The following GNL2 variants were observed in gnomAD, a reference collection of about 807,000 sequenced individuals.
GNL2 encodes nucleolar GTP-binding protein 2.
Under a neutral mutation model 92.3 loss-of-function variants are expected in GNL2, and 51 were observed. That is an observed-to-expected ratio of 0.55 (90% confidence interval 0.44 to 0.70). The LOEUF is 0.70. GNL2 is among the 30% of genes least tolerant of loss of function. The pLI is 0.00. For synonymous variants in GNL2, 283 were observed against 300.6 expected (o/e 0.94, Z 0.61); for missense variants, 844 against 895.6 (o/e 0.94, Z 0.74).
intron 3 of GNL2, among the ~76,000 whole-genome samples, 164 bp downstream of exon 3, chr1:37,592,548 A>G (rs1434402540): frequency 6.6e-6 from 1 of 152,192 alleles, no homozygotes; most frequent in East Asian, 1.9e-4. Flanking sequence ...TATTTATTAA[A>G]TTGACCACCA....
chr1:37,583,729 G>T lies in GNL2; in HGVS notation c.636+138C>A, dbSNP rs1282067802. ...GGTAGTACGCCTTCCGAGTTTCTTT[G>T]TAGGAGGAAGAGGATGGAACAGGCA... On this transcript the variant is annotated intron_variant, in intron 6 of 15. Coordinates refer to ENST00000373062, the MANE Select transcript of GNL2 (RefSeq NM_013285.3). 5.8e-5 allele frequency: 34 copies of T among 581,454 alleles called. No homozygotes were observed. In the East Asian group the frequency reaches 8.7e-4, roughly 15 times the overall value. 36.0% of individuals were successfully genotyped at this position (581,454 alleles called of 1,614,324 possible). A position where few individuals can be genotyped will look rare whatever the true frequency, so the allele number is the denominator to read the frequency against.
In GNL2 at chr1:37,582,858, T is replaced by C. The variant is rs199794422; in HGVS notation, c.715A>G (p.Thr239Ala). Reference sequence around the variant, plus strand: ...CAAGGTTTTTCCTTCTTCAGGTAAGTTTCAATGTGAGGGGAACGAGTACCC... The same window carrying C: ...CAAGGTTTTTCCTTCTTCAGGTAAGCTTCAATGTGAGGGGAACGAGTACCC... ...PMGTRSPHIE[T>A]YLKKEKPWKH... Residue 239 changes from threonine (T) to alanine (A), a missense_variant, in exon 7 of 16, where the codon ACT (threonine) becomes GCT (alanine). Physicochemically the swap from Thr to Ala is moderately conservative, Grantham distance 58 (BLOSUM62 0). Transcript: ENST00000373062. 7 of 1,612,870 alleles carry C rather than the reference T, an allele frequency of 4.3e-6. No individual in the cohort carries two copies. The African/African-American group carries it at 8.0e-5, about 18-fold the overall frequency.
Position 37,575,554 on chromosome 1 carries a change from C to A in GNL2, c.1143+41G>T. On this transcript the variant is annotated intron_variant, in intron 10 of 15. Transcript: ENST00000373062. This position sits in a 1 kb window ranked among gnomAD's most constrained non-coding sequence, Gnocchi z 4.1. ...TATCCAGGGTTCCCTATAGAACACT[C>A]CCCCGCAAACACAAACAGCCTATCA... 8.2e-7 allele frequency: 1 copy of A among 1,220,352 alleles called. No homozygotes were observed. The highest frequency in any genetic ancestry group is 1.2e-6 in the Non-Finnish European group (1 of 863,350). The allele number at this position is 1,220,352 out of a possible 1,614,324, so 75.6% of individuals were successfully genotyped here.
In GNL2 at chr1:37,569,109, T is replaced by C. The variant is rs1376066725; in HGVS notation, c.1610A>G (p.Asn537Ser). 3 of 1,614,206 alleles carry C rather than the reference T, an allele frequency of 1.9e-6. No homozygotes were observed. The highest frequency in any genetic ancestry group is 2.2e-5 in the South Asian group (2 of 91,084). The change falls in exon 13 of 16, where the codon AAC (asparagine) becomes AGC (serine). Residue 537 changes from asparagine to serine, a missense_variant. By Grantham distance (46) the Asn-to-Ser change is conservative. Transcript: ENST00000373062. ...TRVRQNFGKI[N>S]VVPQFSGDDL... is the part of the protein sequence containing the mutation. ...ATCCCCAGAAAACTGAGGCACCACG[T>C]TGATTTTACCAAAGTTCTGCCGAAC...
chr1:37,566,994 A>C lies in GNL2; in HGVS notation c.2057T>G (p.Val686Gly). The change falls in exon 16 of 16, where the codon GTA (valine) becomes GGA (glycine). Residue 686 changes from valine (V) to glycine (G), a missense_variant. By Grantham distance (109) the Val-to-Gly change is moderately radical. Coordinates refer to ENST00000373062, the MANE Select transcript of GNL2 (RefSeq NM_013285.3). ...ALTSKERRRA[V>G]RQQRPKKVGV... ...AACTTTTTTCGGCCGTTGCTGTCGT[A>C]CTGCTCGCCTCCGCTGTAAAAAATG... The C allele has an allele frequency of 6.2e-7, 1 of 1,612,792 alleles. No individual in the cohort carries two copies. The highest frequency in any genetic ancestry group is 8.5e-7 in the Non-Finnish European group (1 of 1,179,686).
intron 4 of GNL2, among the ~76,000 whole-genome samples, chr1:37,589,888 C>T (rs548592722): frequency 2.6e-5 from 4 of 152,268 alleles, no homozygotes; most frequent in East Asian, 1.9e-4. Context: ...GCTGAACGTA[C>T]GCAACACCAA....
At chr1:37,588,310 A>G (rs71640740) in intron 4 of GNL2, among the ~76,000 whole-genome samples, 3,280 of 151,778 alleles carry the variant, frequency 0.022, 135 homozygotes, top group South Asian at 0.21. Flanking sequence ...TCCCCCTAGT[A>G]CAAGCTCCTC....
intron 12 of GNL2, among the ~76,000 whole-genome samples, chr1:37,572,431 C>G (rs544372664): frequency 1.3e-5 from 2 of 152,108 alleles, no homozygotes; most frequent in Admixed American, 6.5e-5. Flanking sequence ...AGCACTTGAC[C>G]ACATGGTTGG....
intron 12 of GNL2, among the ~76,000 whole-genome samples, chr1:37,572,679 T>C (rs1334549578): frequency 6.6e-6 from 1 of 152,162 alleles, no homozygotes; most frequent in Non-Finnish European, 1.5e-5. Flanking sequence ...CTGAGTTTCA[T>C]CCTTTATCAT....
chr1:37,570,751 T>C (rs1014841953), intron 12 of GNL2: 3 of 152,166 alleles, frequency 2.0e-5, no homozygotes, highest in Non-Finnish European at 4.4e-5. Context: ...CAGACTAAGA[T>C]AGGAGGCATC....
At chr1:37,588,453 A>G (rs1643869445) in intron 4 of GNL2, among the ~76,000 whole-genome samples, 1 of 151,952 alleles carries the variant, frequency 6.6e-6, no homozygotes, top group African/African-American at 2.4e-5. Context: ...CTAACCCACA[A>G]CTCAGTTTAG....
chr1:37,593,433 C>T (rs1302770789), intron 2 of GNL2: 1 of 233,996 alleles, frequency 4.3e-6, no homozygotes, highest in Non-Finnish European at 8.3e-6. Context: ...TTTCTGGTGG[C>T]TTTCCTAACT....
intron 1 of GNL2, among the ~76,000 whole-genome samples, chr1:37,595,488 G>A (rs529827461): frequency 2.8e-4 from 43 of 152,362 alleles, no homozygotes; most frequent in African/African-American, 1.0e-3. Flanking sequence ...ACCCAAGGCT[G>A]TCAGCCTGAG....
intron 8 of GNL2, among the ~76,000 whole-genome samples, chr1:37,577,353 C>T (rs1438608147): frequency 6.6e-6 from 1 of 152,032 alleles, no homozygotes. Flanking sequence ...CTCAAAAAGG[C>T]AGAGCTTGCT....
In GNL2 at chr1:37,595,903, A is replaced by C. The variant is rs916037646; in HGVS notation, c.-81T>G. The stretch of plus-strand genomic sequence containing the variant: ...CTTTTATGTTCCCAAGCCCGGCCGA[A>C]GACACCCGCCTGAACCACGCCGGAC... On this transcript the variant is annotated 5_prime_UTR_variant, in exon 1 of 16. Coordinates refer to ENST00000373062, the MANE Select transcript of GNL2 (RefSeq NM_013285.3). 2.4e-6 allele frequency: 3 copies of C among 1,231,510 alleles called. No individual in the cohort carries two copies. The allele number at this position is 1,231,510 out of a possible 1,614,324, so 76.3% of individuals were successfully genotyped here.
At chr1:37,588,277 TA>T (rs904399553) in intron 4 of GNL2, among the ~76,000 whole-genome samples, 340 of 143,302 alleles carry the variant, frequency 2.4e-3, no homozygotes, top group Admixed American at 3.1e-3. Flanking sequence ...TGCAGACAAT[TA>T]AAAAAAAAAA....
chr1:37,582,816 C>A lies in GNL2; in HGVS notation c.757G>T (p.Val253Leu), dbSNP rs758678956. The change falls in exon 7 of 16, where the codon GTA becomes TTA. Residue 253 changes from valine (V) to leucine (L), a missense_variant. Val to Leu is a conservative substitution (Grantham distance 32). Transcript: ENST00000373062. The part of the protein sequence containing the change: ...KEKPWKHLIF[V>L]LNKCDLVPTW... ...GGAACAAGGTCACATTTGTTAAGTA[C>A]AAAAATGAGGTGTTTCCAAGGTTTT... The A allele has an allele frequency of 2.5e-6, 4 of 1,613,734 alleles. No individual in the cohort carries two copies. Among genetic ancestry groups the A allele is most frequent in the Non-Finnish European group, 3.4e-6 (4 of 1,179,850 alleles).
At chr1:37,579,108 T>C (rs1216014571) in intron 8 of GNL2, among the ~76,000 whole-genome samples, 2 of 151,954 alleles carry the variant, frequency 1.3e-5, no homozygotes, top group Admixed American at 1.3e-4. Context: ...ACAGGAAAAT[T>C]TCAAAACGTC....
intron 13 of GNL2, 96 bp from the exon 14 acceptor site, chr1:37,568,453 C>G: frequency 1.4e-6 from 1 of 737,360 alleles, no homozygotes; most frequent in South Asian, 1.6e-5. Context: ...TAAAGAAACC[C>G]CACTCCTATC....
Sources: gnomAD v4.1 joint callset for allele counts (sites outside exome capture counted in the v4.1 genomes callset) on GRCh38, gnomAD v4.1.1 for gene constraint, Gnocchi (gnomAD v3.1) non-coding constraint, MANE v1.5 for transcripts, NCBI Gene and HGNC (gene_info 2026-07-23, HGNC 2026-07-21) for gene names.